RBFOX1: variants seen among roughly 807,000 people sequenced by gnomAD.
RBFOX1 encodes the protein RNA binding protein fox-1 homolog 1.
Under a neutral mutation model 57.7 loss-of-function variants are expected in RBFOX1, and 8 were observed. The observed-to-expected ratio is 0.14, with a 90% CI of 0.08 to 0.25. The LOEUF (loss-of-function observed/expected upper bound fraction) is 0.25. Among genes scored for constraint, RBFOX1 ranks in the 10% least tolerant of loss-of-function variants. The probability of loss-of-function intolerance (pLI) is 1.00; values close to 1 mark genes in which losing one functional copy is unlikely to be tolerated. For synonymous variants in RBFOX1, 326 were observed against 222.4 expected (o/e 1.47, Z -4.15); for missense variants, 611 against 548.5 (o/e 1.11, Z -1.14).
chr16:5,508,775 G>C (rs1435927790), intron 2 of RBFOX1, among the ~76,000 whole-genome samples: 1 of 152,228 alleles, frequency 6.6e-6, no homozygotes, highest in Non-Finnish European at 1.5e-5. Flanking sequence ...CACAGGGCCA[G>C]CTCACAGTAT....
chr16:5,535,598 T>G (rs1301172677), intron 2 of RBFOX1, among the ~76,000 whole-genome samples: 1 of 152,198 alleles, frequency 6.6e-6, no homozygotes, highest in Admixed American at 6.5e-5. Flanking sequence ...CTCTCCCCAC[T>G]GGGTCATGCT....
At chr16:5,850,041 TG>T (rs1310275844) in intron 3 of RBFOX1, among the ~76,000 whole-genome samples, 3 of 152,246 alleles carry the variant, frequency 2.0e-5, no homozygotes, top group African/African-American at 7.2e-5. Flanking sequence ...AAACACCTTC[TG>T]TCTCCACCAG....
At chr16:7,489,378 T>C (rs1424066628) in intron 4 of RBFOX1, among the ~76,000 whole-genome samples, 1 of 152,240 alleles carries the variant, frequency 6.6e-6, no homozygotes, top group Admixed American at 6.5e-5. Flanking sequence ...TCTCTTAATA[T>C]GTGCCAGGTC....
intron 4 of RBFOX1, among the ~76,000 whole-genome samples, chr16:5,959,095 G>T (rs944856231): frequency 1.3e-5 from 2 of 152,350 alleles, no homozygotes; most frequent in Admixed American, 1.3e-4. Context: ...AGAAAGGCTT[G>T]TTATGTGCTA....
chr16:6,729,655 T>C (rs888757572), intron 3 of RBFOX1, among the ~76,000 whole-genome samples: 5 of 152,194 alleles, frequency 3.3e-5, no homozygotes, highest in African/African-American at 1.2e-4. Context: ...CTTCTAACTT[T>C]AGACTTGCAA....
intron 2 of RBFOX1, among the ~76,000 whole-genome samples, chr16:6,461,405 C>T (rs1021330079): frequency 1.3e-5 from 2 of 152,152 alleles, no homozygotes; most frequent in East Asian, 1.9e-4. Flanking sequence ...AAGACTTCAA[C>T]GTATGAATTT....
chr16:6,478,553 C>A (rs559788382), intron 2 of RBFOX1, among the ~76,000 whole-genome samples: 1 of 148,584 alleles, frequency 6.7e-6, no homozygotes, highest in Non-Finnish European at 1.5e-5. Context: ...GGATTACAGG[C>A]GCTGTCCCAG....
chr16:6,656,496 C>T (rs573793894), intron 3 of RBFOX1, among the ~76,000 whole-genome samples: 1 of 151,904 alleles, frequency 6.6e-6, no homozygotes, highest in African/African-American at 2.4e-5. Context: ...ATGGCAACTG[C>T]CCTGGTTTCT....
intron 12 of RBFOX1, among the ~76,000 whole-genome samples, chr16:7,662,319 C>T (rs10521085): frequency 0.088 from 13,402 of 152,202 alleles, 697 homozygotes; most frequent in Middle Eastern, 0.16. Context: ...AATTCAGGTT[C>T]GAGTCTGTTA....
intron 1 of RBFOX1, among the ~76,000 whole-genome samples, chr16:6,289,362 C>G (rs537032806): frequency 6.6e-6 from 1 of 152,202 alleles, no homozygotes; most frequent in South Asian, 2.1e-4. Flanking sequence ...AAGTATAATG[C>G]CCTTCCCTCC....
intron 2 of RBFOX1, among the ~76,000 whole-genome samples, chr16:6,651,722 C>G (rs912408240): frequency 1.3e-5 from 2 of 152,148 alleles, no homozygotes; most frequent in Non-Finnish European, 1.5e-5. Context: ...GCACAAAAGA[C>G]TTGAAAGCAG....
Position 7,518,395 on chromosome 16 carries a change from T to A in RBFOX1, c.270+6T>A. On this transcript the variant is annotated splice_donor_region_variant and intron_variant, in intron 5 of 15. Coordinates refer to ENST00000550418, the MANE Select transcript of RBFOX1 (RefSeq NM_018723.4). Reference sequence around the variant, plus strand: ...CCGTCTCTGGCACCGCCACAGTAAGTGGACGTGTTTGCTACGGGTGGGAGG... The same window carrying A: ...CCGTCTCTGGCACCGCCACAGTAAGAGGACGTGTTTGCTACGGGTGGGAGG... 6.2e-7 allele frequency: 1 copy of A among 1,603,964 alleles called. No individual in the cohort carries two copies. Among genetic ancestry groups the A allele is most frequent in the African/African-American group, 1.3e-5 (1 of 74,880 alleles).
At chr16:5,978,851 C>A (rs538071516) in intron 4 of RBFOX1, among the ~76,000 whole-genome samples, 1 of 152,196 alleles carries the variant, frequency 6.6e-6, no homozygotes, top group African/African-American at 2.4e-5. Context: ...CATCATATAG[C>A]GAGAGCTACA....
intron 3 of RBFOX1, among the ~76,000 whole-genome samples, chr16:6,697,515 T>C (rs1388797491): frequency 6.6e-6 from 1 of 152,220 alleles, no homozygotes; most frequent in African/African-American, 2.4e-5. Context: ...TATCTCCTTA[T>C]AAATCTGCTT....
chr16:7,104,799 A>G (rs929247055), intron 4 of RBFOX1, among the ~76,000 whole-genome samples: 2 of 152,150 alleles, frequency 1.3e-5, no homozygotes, highest in Non-Finnish European at 2.9e-5. Flanking sequence ...GACTTGCAAA[A>G]ATAACCAACA....
At chr16:5,643,377 C>G (rs1437684283) in intron 3 of RBFOX1, among the ~76,000 whole-genome samples, 1 of 152,168 alleles carries the variant, frequency 6.6e-6, no homozygotes, top group Non-Finnish European at 1.5e-5. Context: ...TAGGCATTAT[C>G]ATTTCCTTCT....
chr16:7,156,524 T>G (rs1389169543), intron 4 of RBFOX1, among the ~76,000 whole-genome samples: 1 of 152,096 alleles, frequency 6.6e-6, no homozygotes, highest in African/African-American at 2.4e-5. Flanking sequence ...TGCATGTAGA[T>G]ATATATGTGT....
intron 3 of RBFOX1, among the ~76,000 whole-genome samples, chr16:6,656,818 C>T (rs1347513290): frequency 6.6e-6 from 1 of 151,974 alleles, no homozygotes; most frequent in African/African-American, 2.4e-5. Flanking sequence ...AGTTAAAATT[C>T]TCAGTGTCTT....
intron 4 of RBFOX1, among the ~76,000 whole-genome samples, chr16:7,175,041 T>C (rs998157346): frequency 6.6e-6 from 1 of 152,072 alleles, no homozygotes; most frequent in Admixed American, 6.6e-5. Context: ...TTTATGTTTG[T>C]TTATTTTTTA....
Sources: allele counts gnomAD v4.1 joint callset (sites outside exome capture counted in the v4.1 genomes callset), GRCh38; gene constraint gnomAD v4.1.1; transcripts MANE v1.5; gene names NCBI Gene and HGNC (gene_info 2026-07-23, HGNC 2026-07-21).